Variants in TULP4 observed in about 807,000 individuals in gnomAD.
The protein encoded by TULP4 is TUB like protein 4.
Under a neutral mutation model 129.0 loss-of-function variants are expected in TULP4, and 16 were observed. The observed-to-expected ratio is 0.12, with a 90% CI of 0.08 to 0.19. The LOEUF is 0.19. Among genes scored for constraint, TULP4 ranks in the 10% least tolerant of loss-of-function variants. TULP4 has a pLI of 1.00. For synonymous variants in TULP4, 998 were observed against 854.0 expected, an observed-to-expected ratio of 1.17 and a Z score of -2.94; for missense variants, 1,842 against 2,059.1, an observed-to-expected ratio of 0.89 and a Z score of 2.04.
chr6:158,434,582 C>T (rs1778710994), intron 3 of TULP4, among the ~76,000 whole-genome samples: 1 of 152,146 alleles, frequency 6.6e-6, no homozygotes. Context: ...AGGAGAATAC[C>T]TTGCCCCTTG....
At chr6:158,385,762 T>C (rs1777428236) in intron 1 of TULP4, among the ~76,000 whole-genome samples, 1 of 148,884 alleles carries the variant, frequency 6.7e-6, no homozygotes, top group South Asian at 2.1e-4. Flanking sequence ...TTACCCTCTC[T>C]TCTCCAAAAT....
At chr6:158,337,327 C>T (rs1293774004) in intron 1 of TULP4, among the ~76,000 whole-genome samples, 1 of 151,882 alleles carries the variant, frequency 6.6e-6, no homozygotes, top group African/African-American at 2.4e-5. Flanking sequence ...GATGGGGTTT[C>T]ACCATGTTGC....
At chr6:158,408,647 A>G (rs954111292) in intron 1 of TULP4, among the ~76,000 whole-genome samples, 1 of 152,072 alleles carries the variant, frequency 6.6e-6, no homozygotes, top group East Asian at 1.9e-4. Context: ...CTGGTGAGTG[A>G]ATGACGAGGC....
intron 1 of TULP4, among the ~76,000 whole-genome samples, chr6:158,240,552 C>T (rs1193766189): frequency 1.3e-5 from 1 of 78,554 alleles, no homozygotes; most frequent in East Asian, 5.0e-4. Flanking sequence ...CGGACGGGGG[C>T]GGCTGGCCGG....
chr6:158,494,556 G>A (rs1021304763), intron 10 of TULP4, among the ~76,000 whole-genome samples, 197 bp from the exon 11 acceptor site: 13 of 152,084 alleles, frequency 8.5e-5, no homozygotes, highest in African/African-American at 2.4e-4. Flanking sequence ...AGCTCGATGC[G>A]CCCCCACTCA....
At chr6:158,330,117 A>G (rs1779843535) in intron 1 of TULP4, among the ~76,000 whole-genome samples, 3 of 132,418 alleles carry the variant, frequency 2.3e-5, no homozygotes, top group Middle Eastern at 3.8e-3. Context: ...TATACAAACT[A>G]CTAATTTGAT....
At chr6:158,465,766 A>G (rs1435402530) in intron 6 of TULP4, among the ~76,000 whole-genome samples, 1 of 152,224 alleles carries the variant, frequency 6.6e-6, no homozygotes, top group Non-Finnish European at 1.5e-5. Flanking sequence ...AGGCAAAGAC[A>G]TAAATCAACA....
At chr6:158,243,224 T>G (rs1777959202) in intron 1 of TULP4, among the ~76,000 whole-genome samples, 2 of 152,198 alleles carry the variant, frequency 1.3e-5, no homozygotes, top group African/African-American at 4.8e-5. Context: ...CTTGGATTAT[T>G]TTAAAGCAAA....
At chr6:158,491,317 T>G (rs1275913451) in intron 9 of TULP4, among the ~76,000 whole-genome samples, 1 of 152,250 alleles carries the variant, frequency 6.6e-6, no homozygotes, top group African/African-American at 2.4e-5. Flanking sequence ...CTTGGCTGTC[T>G]TCTTCTTTTG....
intron 1 of TULP4, among the ~76,000 whole-genome samples, chr6:158,355,629 A>T (rs567907694): frequency 4.6e-5 from 7 of 152,306 alleles, no homozygotes; most frequent in Admixed American, 1.3e-4. Flanking sequence ...CTAGGCAAAA[A>T]GGGTGGGCTC....
chr6:158,368,473 G>T (rs953311226), intron 1 of TULP4, among the ~76,000 whole-genome samples: 1 of 152,104 alleles, frequency 6.6e-6, no homozygotes, highest in Non-Finnish European at 1.5e-5. Context: ...AATGTTCTTA[G>T]CCCTTTTGAA....
chr6:158,359,025 A>G (rs1780708933), intron 1 of TULP4, among the ~76,000 whole-genome samples: 1 of 152,170 alleles, frequency 6.6e-6, no homozygotes. Flanking sequence ...CATTACATGC[A>G]TGCTTCCCTT....
Position 158,507,930 on chromosome 6 carries a change from CAAAA to C in TULP4, c.*1240_*1243del, listed in dbSNP as rs968079733. 6.6e-6 allele frequency: 1 copy of C among 151,998 alleles called. No individual in the cohort carries two copies. Among genetic ancestry groups the C allele is most frequent in the Non-Finnish European group, 1.5e-5 (1 of 67,970 alleles). 9.4% of individuals were successfully genotyped at this position (151,998 alleles called of 1,614,324 possible). A position where few individuals can be genotyped will look rare whatever the true frequency, so the allele number is the denominator to read the frequency against. On this transcript the variant is annotated 3_prime_UTR_variant, in exon 14 of 14. Coordinates refer to ENST00000367097, the MANE Select transcript of TULP4 (RefSeq NM_020245.5). Reference sequence around the variant, plus strand: ...ACAAAATTTTCATGATCTTCTCTAACAAAAAAAGTTGTTTATTAACTGTACAGAC... The same window carrying C: ...ACAAAATTTTCATGATCTTCTCTAACAAAGTTGTTTATTAACTGTACAGAC...
chr6:158,331,747 G>GTATATATATATATATATATA (rs1194424498), intron 1 of TULP4, among the ~76,000 whole-genome samples: 1 of 29,220 alleles, frequency 3.4e-5, no homozygotes, highest in Non-Finnish European at 7.6e-5. Context: ...ATATATACGT[G>GTATATATATATATATATATA]TATATACACG....
intron 1 of TULP4, among the ~76,000 whole-genome samples, chr6:158,385,078 C>T (rs931445006): frequency 2.6e-5 from 4 of 152,160 alleles, no homozygotes; most frequent in Admixed American, 6.5e-5. Flanking sequence ...TCCTCGCCCA[C>T]GTCAGTGTGT....
chr6:158,385,076 C>T (rs1446436776), intron 1 of TULP4, among the ~76,000 whole-genome samples: 2 of 152,126 alleles, frequency 1.3e-5, no homozygotes, highest in Non-Finnish European at 2.9e-5. Context: ...TATCCTCGCC[C>T]ACGTCAGTGT....
In TULP4 at chr6:158,363,779, A is replaced by C. The variant is rs1459727185; in HGVS notation, c.253-49286A>C. Among the ~76,000 whole-genome samples, 11 of 151,176 alleles carry C rather than the reference A, an allele frequency of 7.3e-5. No individual in the cohort carries two copies. In the South Asian group the frequency reaches 2.1e-3, roughly 29 times the overall value. Reference sequence around the variant, plus strand: ...GGATTACAGGCGTGAGCCACCGCGCAAGGCCGCGTGTTTTTTTTTTCTTTT... The same window carrying C: ...GGATTACAGGCGTGAGCCACCGCGCCAGGCCGCGTGTTTTTTTTTTCTTTT... On this transcript the variant is annotated intron_variant, in intron 1 of 13. Coordinates refer to ENST00000367097, the MANE Select transcript of TULP4 (RefSeq NM_020245.5).
intron 1 of TULP4, among the ~76,000 whole-genome samples, chr6:158,302,970 A>G (rs1257757100): frequency 6.6e-6 from 1 of 150,722 alleles, no homozygotes; most frequent in Non-Finnish European, 1.5e-5. Context: ...CCTGCTAGTT[A>G]TATGTTAGTG....
At chr6:158,295,358 T>C (rs1225910988) in intron 1 of TULP4, among the ~76,000 whole-genome samples, 1 of 152,098 alleles carries the variant, frequency 6.6e-6, no homozygotes, top group Non-Finnish European at 1.5e-5. Flanking sequence ...GATACAATAA[T>C]TTAAAAAAAA....
Sources: gnomAD v4.1 joint callset for allele counts (sites outside exome capture counted in the v4.1 genomes callset) on GRCh38, gnomAD v4.1.1 for gene constraint, MANE v1.5 for transcripts, NCBI Gene and HGNC (gene_info 2026-07-23, HGNC 2026-07-21) for gene names.